The following PRKG1 variants were observed in gnomAD, a reference collection of about 807,000 sequenced individuals.
The protein encoded by PRKG1 is cGMP-dependent protein kinase 1.
In PRKG1, 35 loss-of-function variants were observed where a neutral mutation model predicts 88.1. That is an observed-to-expected ratio of 0.40 (90% CI 0.30 to 0.53). PRKG1 has a LOEUF of 0.53. Ranked by LOEUF, PRKG1 falls within the 20% of genes least tolerant of loss-of-function variation. PRKG1 has a pLI of 0.59. For synonymous variants in PRKG1, 303 were observed against 292.5 expected (o/e 1.04, Z -0.37); for missense variants, 540 against 839.8 (o/e 0.64, Z 4.41).
At chr10:51,677,476 T>C (rs1018475024) in intron 3 of PRKG1, among the ~76,000 whole-genome samples, 3 of 152,222 alleles carry the variant, frequency 2.0e-5, no homozygotes, top group African/African-American at 7.2e-5. Flanking sequence ...GGATTTCTAT[T>C]GTCAGTGTTG....
intron 3 of PRKG1, among the ~76,000 whole-genome samples, chr10:51,590,275 A>G (rs1838278177): frequency 6.6e-6 from 1 of 152,200 alleles, no homozygotes; most frequent in Non-Finnish European, 1.5e-5. Flanking sequence ...TTGTCTTCCT[A>G]TTGCACAAGT....
At chr10:52,258,965 G>T (rs1344572235) in intron 10 of PRKG1, among the ~76,000 whole-genome samples, 1 of 151,982 alleles carries the variant, frequency 6.6e-6, no homozygotes, top group Admixed American at 6.6e-5. Context: ...GGCCATTCCA[G>T]GCAAGGGTTA....
At chr10:52,042,341 G>A (rs368510974) in intron 5 of PRKG1, among the ~76,000 whole-genome samples, 12 of 152,086 alleles carry the variant, frequency 7.9e-5, no homozygotes, top group East Asian at 7.7e-4. Context: ...ACAAGCTATA[G>A]TAACCAAAAC....
chr10:51,557,747 G>GCA (rs1837350982), intron 3 of PRKG1, among the ~76,000 whole-genome samples: 1 of 151,958 alleles, frequency 6.6e-6, no homozygotes. Context: ...CCTGAATGAT[G>GCA]ACCTTAAGAC....
chr10:51,471,634 G>A (rs901623944), intron 3 of PRKG1, among the ~76,000 whole-genome samples: 3 of 151,834 alleles, frequency 2.0e-5, no homozygotes, highest in Admixed American at 6.6e-5. Flanking sequence ...AAAGGAAAAG[G>A]CGTTTCATTT....
At chr10:52,159,514 C>T (rs1018686433) in intron 8 of PRKG1, among the ~76,000 whole-genome samples, 1 of 151,602 alleles carries the variant, frequency 6.6e-6, no homozygotes, top group Non-Finnish European at 1.5e-5. Context: ...ATGGTTTCTA[C>T]TTTTAAAACT....
At chr10:51,998,811 C>T (rs1205951113) in intron 5 of PRKG1, among the ~76,000 whole-genome samples, 2 of 152,110 alleles carry the variant, frequency 1.3e-5, no homozygotes, top group Non-Finnish European at 2.9e-5. Context: ...TTGACTTTCC[C>T]TTCCCTTTAG....
At chr10:51,006,813 C>A (rs1842945165) in intron 1 of PRKG1, among the ~76,000 whole-genome samples, 1 of 152,124 alleles carries the variant, frequency 6.6e-6, no homozygotes, top group Non-Finnish European at 1.5e-5. Context: ...ACCACCTCTG[C>A]AGCTATCTAC....
chr10:51,165,434 C>G (rs1846510443), intron 2 of PRKG1, among the ~76,000 whole-genome samples: 1 of 152,180 alleles, frequency 6.6e-6, no homozygotes, highest in African/African-American at 2.4e-5. Context: ...GTACCAGCCA[C>G]TGCAAAATCA....
chr10:51,641,481 A>C (rs991638026), intron 3 of PRKG1, among the ~76,000 whole-genome samples: 4 of 152,134 alleles, frequency 2.6e-5, no homozygotes, highest in African/African-American at 9.7e-5. Context: ...TTTCTGCTGG[A>C]GTCTGTGCTC....
chr10:51,781,211 A>G (rs1354052727), intron 3 of PRKG1, among the ~76,000 whole-genome samples: 2 of 152,156 alleles, frequency 1.3e-5, no homozygotes, highest in African/African-American at 4.8e-5. Context: ...AAATATTAAA[A>G]CAAAAACAAA....
chr10:52,225,974 T>C (rs911075117), intron 9 of PRKG1, among the ~76,000 whole-genome samples: 1 of 151,918 alleles, frequency 6.6e-6, no homozygotes, highest in Non-Finnish European at 1.5e-5. Flanking sequence ...TAATATACTA[T>C]ATTTAATTTG....
At chr10:51,543,669 C>A (rs1842370686) in intron 3 of PRKG1, among the ~76,000 whole-genome samples, 1 of 152,186 alleles carries the variant, frequency 6.6e-6, no homozygotes, top group African/African-American at 2.4e-5. Context: ...ATTGTGAACA[C>A]CTGCTCTGCT....
intron 1 of PRKG1, among the ~76,000 whole-genome samples, chr10:51,146,102 T>C (rs1159022106): frequency 1.3e-5 from 2 of 151,486 alleles, no homozygotes; most frequent in Non-Finnish European, 2.9e-5. Flanking sequence ...GGCAGGAGAA[T>C]GGCATGAACC....
intron 4 of PRKG1, among the ~76,000 whole-genome samples, chr10:51,869,242 A>G (rs1484646358): frequency 6.6e-6 from 1 of 152,138 alleles, no homozygotes; most frequent in Non-Finnish European, 1.5e-5. Flanking sequence ...TCCAGCCATA[A>G]CTAGTAATCC....
intron 4 of PRKG1, among the ~76,000 whole-genome samples, chr10:51,878,352 G>A (rs1274935749): frequency 2.0e-5 from 3 of 151,998 alleles, no homozygotes; most frequent in African/African-American, 7.2e-5. Context: ...TGAACAGGGG[G>A]AAGTTTGCTT....
intron 10 of PRKG1, among the ~76,000 whole-genome samples, chr10:52,263,589 T>C (rs1841489685): frequency 6.6e-6 from 1 of 151,878 alleles, no homozygotes; most frequent in Non-Finnish European, 1.5e-5. Flanking sequence ...TTTTTTTTTT[T>C]TTTTTGAGAC....
intron 2 of PRKG1, among the ~76,000 whole-genome samples, chr10:51,337,091 C>T (rs952768230): frequency 1.3e-5 from 2 of 152,104 alleles, no homozygotes; most frequent in African/African-American, 4.8e-5. Flanking sequence ...GAACAGAGAA[C>T]TTAGGAATAA....
intron 1 of PRKG1, among the ~76,000 whole-genome samples, chr10:51,028,424 A>G (rs1258217127): frequency 6.6e-6 from 1 of 152,348 alleles, no homozygotes; most frequent in Non-Finnish European, 1.5e-5. Context: ...TAAGTTGGCC[A>G]GTAACTATCT....
Sources: allele counts gnomAD v4.1 joint callset (sites outside exome capture counted in the v4.1 genomes callset), GRCh38; gene constraint gnomAD v4.1.1; transcripts MANE v1.5; gene names NCBI Gene and HGNC (gene_info 2026-07-23, HGNC 2026-07-21).